Variants in CD300LG observed in about 807,000 individuals in gnomAD.
CD300LG encodes CMRF35-like molecule 9.
In CD300LG, 29 loss-of-function variants were observed where a neutral mutation model predicts 31.5. That is an observed-to-expected ratio of 0.92 (90% CI 0.68 to 1.25). The LOEUF (loss-of-function observed/expected upper bound fraction) is 1.25. Among genes scored for constraint, CD300LG ranks in the 50% most tolerant of loss-of-function variants. CD300LG has a pLI of 0.00. For missense variants in CD300LG, 396 were observed against 417.6 expected, an observed-to-expected ratio of 0.95 and a Z score of 0.45; for synonymous variants, 175 against 177.2, an observed-to-expected ratio of 0.99 and a Z score of 0.10.
At chr17:43,855,570 A>G in intron 5 of CD300LG, 1 of 360,302 alleles carries the variant, frequency 2.8e-6, no homozygotes, top group Non-Finnish European at 5.0e-6. Context: ...AAACTGATCA[A>G]GCACTTCTCT....
chr17:43,851,139 A>G (rs963859093), intron 2 of CD300LG, among the ~76,000 whole-genome samples: 1 of 149,798 alleles, frequency 6.7e-6, no homozygotes, highest in African/African-American at 2.5e-5. Flanking sequence ...GTCTCAAAAA[A>G]AAAAAAAAAA....
At chr17:43,861,165 C>T in intron 6 of CD300LG, 1 of 985,412 alleles carries the variant, frequency 1.0e-6, no homozygotes, top group Non-Finnish European at 1.2e-6. Context: ...CCAGAGGACG[C>T]TGTGATCAAC....
chr17:43,848,991 C>T (rs1336837374), intron 2 of CD300LG, 98 bp downstream of exon 2: 2 of 1,077,512 alleles, frequency 1.9e-6, no homozygotes, highest in African/African-American at 3.1e-5. Context: ...ATTATGGGCA[C>T]TGAGTCCTCA....
At chr17:43,854,464 C>T (rs1224457369) in intron 4 of CD300LG, among the ~76,000 whole-genome samples, 1 of 152,206 alleles carries the variant, frequency 6.6e-6, no homozygotes, top group Non-Finnish European at 1.5e-5. Flanking sequence ...ATGCACTTGG[C>T]TACCGACATC....
chr17:43,857,643 G>A (rs2046563761), intron 6 of CD300LG: 2 of 1,141,166 alleles, frequency 1.8e-6, no homozygotes, highest in Non-Finnish European at 2.5e-6. Context: ...AGGGACTCTG[G>A]CAGTGCTACA....
intron 5 of CD300LG, among the ~76,000 whole-genome samples, chr17:43,855,950 T>G (rs1188079266): frequency 1.3e-5 from 2 of 152,218 alleles, no homozygotes; most frequent in Non-Finnish European, 2.9e-5. Context: ...TTTTAATTAC[T>G]TATTTTTTAG....
intron 6 of CD300LG, among the ~76,000 whole-genome samples, chr17:43,860,038 C>CA (rs2046620528): frequency 6.6e-6 from 1 of 152,186 alleles, no homozygotes; most frequent in South Asian, 2.1e-4. Flanking sequence ...ACCCAGGCTT[C>CA]ATCTTAGCAT....
chr17:43,859,116 G>A (rs2046601784), intron 6 of CD300LG, among the ~76,000 whole-genome samples: 1 of 152,194 alleles, frequency 6.6e-6, no homozygotes, highest in Non-Finnish European at 1.5e-5. Context: ...GGGGCTGGCT[G>A]CAGAGCCCTC....
intron 6 of CD300LG, 64 bp from the exon 7 acceptor site, chr17:43,861,734 C>T: frequency 9.0e-7 from 1 of 1,107,890 alleles, no homozygotes. Flanking sequence ...CTGGGGACCA[C>T]CCCTCACACC....
intron 2 of CD300LG, among the ~76,000 whole-genome samples, chr17:43,852,174 T>TTCAAAGCC (rs1163335424): frequency 2.6e-5 from 4 of 151,324 alleles, no homozygotes; most frequent in Non-Finnish European, 5.9e-5. Flanking sequence ...GACAAGGTGG[T>TTCAAAGCC]TCAAAGCCTC....
Position 43,857,016 on chromosome 17 carries a change from G to A in CD300LG, c.833-88G>A. ...GGAAGCCCCTGCTCCCGTGTGCAAG[G>A]GGGCCAGTCCACCTTTCTGGGAGCA... On this transcript the variant is annotated intron_variant, in intron 5 of 6. Coordinates refer to ENST00000317310, the MANE Select transcript of CD300LG (RefSeq NM_145273.4). 3.7e-6 allele frequency: 5 copies of A among 1,359,346 alleles called. No homozygotes were observed. The South Asian group carries it at 4.7e-5, about 13-fold the overall frequency. 84.2% of individuals were successfully genotyped at this position (1,359,346 alleles called of 1,614,324 possible). A position where few individuals can be genotyped will look rare whatever the true frequency, so the allele number is the denominator to read the frequency against.
At chr17:43,849,802 T>C (rs950145076) in intron 2 of CD300LG, 1 of 152,212 alleles carries the variant, frequency 6.6e-6, no homozygotes, top group African/African-American at 2.4e-5. Context: ...AGCTGGGACC[T>C]ATCCCAATCC....
At chr17:43,861,620 T>C (rs1255824440) in intron 6 of CD300LG, among the ~76,000 whole-genome samples, 178 bp from the exon 7 acceptor site, 1 of 152,128 alleles carries the variant, frequency 6.6e-6, no homozygotes, top group Non-Finnish European at 1.5e-5. Flanking sequence ...TGAGAGGCCA[T>C]GAATCAAAGC....
intron 2 of CD300LG, 73 bp from the exon 3 acceptor site, chr17:43,852,839 C>A: frequency 7.9e-7 from 1 of 1,258,328 alleles, no homozygotes; most frequent in Non-Finnish European, 1.1e-6. Flanking sequence ...GGAAAACTGC[C>A]AGCTGCTCCC....
rs191857067 is a variant in CD300LG, at chr17:43,851,307, C to T, written c.380-1605C>T. On this transcript the variant is annotated intron_variant, in intron 2 of 6. Coordinates refer to ENST00000317310, the MANE Select transcript of CD300LG (RefSeq NM_145273.4). ...CAAAAATGCAAAATACTCCAAAGTCCGAAACTTTTTGTGTGCCAGCATCAC... is the reference window on the plus strand; with the variant it reads ...CAAAAATGCAAAATACTCCAAAGTCTGAAACTTTTTGTGTGCCAGCATCAC... Among the ~76,000 whole-genome samples the T allele has an allele frequency of 4.5e-3, 689 of 152,134 alleles. 5 individuals are homozygous for T. Among genetic ancestry groups the T allele is most frequent in the African/African-American group, 0.015 (624 of 41,490 alleles).
intron 6 of CD300LG, chr17:43,857,982 G>A: frequency 6.6e-7 from 1 of 1,504,792 alleles, no homozygotes; most frequent in Non-Finnish European, 8.8e-7. Context: ...TCCGAGGCCA[G>A]CACTCCAACG....
chr17:43,852,959 A>G lies in CD300LG; in HGVS notation c.427A>G (p.Thr143Ala). ...SPSPTFQPLA[T>A]TRLQPKAKAQ... is the part of the protein sequence containing the mutation. ...TTCTCCCACCTTCCAGCCTCTGGCTACAACACGCCTGCAGCCCAAGGCAAA... is the reference window on the plus strand; with the variant it reads ...TTCTCCCACCTTCCAGCCTCTGGCTGCAACACGCCTGCAGCCCAAGGCAAA... The change falls in exon 3 of 7, where the codon ACA becomes GCA. Residue 143 changes from threonine (T) to alanine (A), a missense_variant. By Grantham distance (58) the Thr-to-Ala change is moderately conservative (BLOSUM62 0). Coordinates refer to ENST00000317310, the MANE Select transcript of CD300LG (RefSeq NM_145273.4). The G allele has an allele frequency of 6.2e-7, 1 of 1,612,756 alleles. No individual in the cohort carries two copies. The highest frequency in any genetic ancestry group is 1.1e-5 in the South Asian group (1 of 90,746).
intron 2 of CD300LG, among the ~76,000 whole-genome samples, chr17:43,852,510 G>A (rs966107664): frequency 4.6e-5 from 7 of 152,166 alleles, no homozygotes; most frequent in East Asian, 1.9e-4. Context: ...CACCACACCC[G>A]GCCTGAAGCC....
At chr17:43,861,324 G>A (rs1371300201) in intron 6 of CD300LG, 1 of 978,950 alleles carries the variant, frequency 1.0e-6, no homozygotes, top group African/African-American at 1.8e-5. Flanking sequence ...CTGACAATTA[G>A]AGGAAGTGGA....
Sources: allele counts gnomAD v4.1 joint callset (sites outside exome capture counted in the v4.1 genomes callset), GRCh38; gene constraint gnomAD v4.1.1; transcripts MANE v1.5; gene names NCBI Gene and HGNC (gene_info 2026-07-23, HGNC 2026-07-21).